Variants in TNFSF4 observed in about 807,000 individuals in gnomAD.
TNFSF4 encodes TNF superfamily member 4.
TNFSF4 carries 4 observed loss-of-function variants against 7.3 expected under a neutral mutation model. The ratio of observed to expected loss-of-function variants is 0.55; its 90% CI spans 0.27 to 1.25. The LOEUF (loss-of-function observed/expected upper bound fraction) is 1.25. Ranked by LOEUF, TNFSF4 falls within the 50% of genes most tolerant of loss-of-function variation. TNFSF4 has a pLI of 0.12. For synonymous variants in TNFSF4, 76 were observed against 83.7 expected (o/e 0.91, Z 0.50); for missense variants, 181 against 208.8 (o/e 0.87, Z 0.82).
the TNFSF4 span, among the ~76,000 whole-genome samples, chr1:173,220,541 T>C: frequency 1.3e-5 from 2 of 152,306 alleles, no homozygotes; most frequent in African/African-American, 4.8e-5. Flanking sequence ...TCTCCAAAAA[T>C]TCATATGTGG....
At chr1:173,319,122 T>A in the TNFSF4 span, among the ~76,000 whole-genome samples, 1 of 152,072 alleles carries the variant, frequency 6.6e-6, no homozygotes, top group Non-Finnish European at 1.5e-5. Flanking sequence ...AGCACAGAAA[T>A]CTGAAGTCAA....
the TNFSF4 span, among the ~76,000 whole-genome samples, chr1:173,233,859 G>C: frequency 6.6e-6 from 1 of 152,114 alleles, no homozygotes; most frequent in Non-Finnish European, 1.5e-5. Flanking sequence ...AGAAAACCTA[G>C]GCAATACCAT....
chr1:173,199,803 T>C lies in TNFSF4; in HGVS notation c.153+7221A>G, dbSNP rs535373797. On this transcript the variant is annotated intron_variant, in intron 1 of 2. Transcript: ENST00000281834. ...ATTCTTTGAATCAGTCTGATGGAACTAGAAAGGCCTTGGGAGATTATATAG... is the reference window on the plus strand; with the variant it reads ...ATTCTTTGAATCAGTCTGATGGAACCAGAAAGGCCTTGGGAGATTATATAG... 3.3e-5 allele frequency among the ~76,000 whole-genome samples: 5 copies of C among 152,240 alleles called. No individual in the cohort carries two copies. The South Asian group carries it at 8.3e-4, about 25-fold the overall frequency.
chr1:173,299,871 A>G, the TNFSF4 span, among the ~76,000 whole-genome samples: 1 of 151,912 alleles, frequency 6.6e-6, no homozygotes, highest in East Asian at 2.0e-4. Flanking sequence ...AACTATAAGC[A>G]GTTTTCTTGT....
At chr1:173,210,297 G>A (rs1650330042), upstream of TNFSF4, among the ~76,000 whole-genome samples, 2 of 152,190 alleles carry the variant, frequency 1.3e-5, no homozygotes, top group Non-Finnish European at 2.9e-5. Flanking sequence ...CTAGGTATCA[G>A]TGCAGAAGGG....
chr1:173,337,579 G>C, the TNFSF4 span, among the ~76,000 whole-genome samples: 1 of 152,160 alleles, frequency 6.6e-6, no homozygotes, highest in Non-Finnish European at 1.5e-5. Flanking sequence ...ATAATGTTCA[G>C]GCACCACCCA....
chr1:173,182,762 G>A (rs1649077907), downstream of TNFSF4, among the ~76,000 whole-genome samples: 1 of 152,184 alleles, frequency 6.6e-6, no homozygotes, highest in African/African-American at 2.4e-5. Context: ...ATTGATTGAA[G>A]GCACAAGAAT....
the TNFSF4 span, among the ~76,000 whole-genome samples, chr1:173,344,453 T>G: frequency 0.084 from 12,815 of 152,222 alleles, 676 homozygotes; most frequent in East Asian, 0.27. Context: ...CTTTGTATGG[T>G]TGGTAATAAA....
the TNFSF4 span, among the ~76,000 whole-genome samples, chr1:173,379,856 A>C: frequency 6.6e-6 from 1 of 152,164 alleles, no homozygotes; most frequent in African/African-American, 2.4e-5. Flanking sequence ...CCACCCCCTC[A>C]TCCATGTCCC....
chr1:173,383,621 C>A, the TNFSF4 span, among the ~76,000 whole-genome samples: 7 of 152,118 alleles, frequency 4.6e-5, no homozygotes, highest in South Asian at 1.5e-3. Flanking sequence ...AAGAATGGAA[C>A]AATGCTCTGA....
At chr1:173,392,930 C>T in the TNFSF4 span, among the ~76,000 whole-genome samples, 2 of 152,002 alleles carry the variant, frequency 1.3e-5, no homozygotes, top group Non-Finnish European at 2.9e-5. Context: ...AGCACAAGGC[C>T]GTAAATTTTG....
the TNFSF4 span, among the ~76,000 whole-genome samples, chr1:173,376,696 C>T: frequency 6.6e-6 from 1 of 152,202 alleles, no homozygotes; most frequent in Non-Finnish European, 1.5e-5. Flanking sequence ...ATCGGCAGGA[C>T]ATGGGTGGGG....
At chr1:173,263,272 G>GA in the TNFSF4 span, among the ~76,000 whole-genome samples, 3 of 152,098 alleles carry the variant, frequency 2.0e-5, no homozygotes, top group Non-Finnish European at 2.9e-5. Context: ...CACAGAATTA[G>GA]AAAAAATTAT....
At chr1:173,274,565 T>C in the TNFSF4 span, among the ~76,000 whole-genome samples, 5 of 152,100 alleles carry the variant, frequency 3.3e-5, no homozygotes, top group Admixed American at 3.3e-4. Flanking sequence ...AAACTGTGGA[T>C]GTGATAGATT....
the TNFSF4 span, among the ~76,000 whole-genome samples, chr1:173,380,594 G>A: frequency 1.3e-5 from 2 of 151,990 alleles, no homozygotes; most frequent in Non-Finnish European, 2.9e-5. Flanking sequence ...CTACCTGCAT[G>A]ACCATTCACC....
At chr1:173,432,163 T>TA in the TNFSF4 span, among the ~76,000 whole-genome samples, 1,259 of 152,228 alleles carry the variant, frequency 8.3e-3, 19 homozygotes, top group African/African-American at 0.029. Context: ...AAACAGGTGA[T>TA]AAAGGGCGAG....
chr1:173,261,641 G>T, the TNFSF4 span, among the ~76,000 whole-genome samples: 2 of 152,068 alleles, frequency 1.3e-5, no homozygotes, highest in Non-Finnish European at 2.9e-5. Flanking sequence ...AAATGATAAA[G>T]AGGATATCAC....
the TNFSF4 span, among the ~76,000 whole-genome samples, chr1:173,448,742 C>A: frequency 4.6e-4 from 70 of 152,240 alleles, no homozygotes; most frequent in African/African-American, 1.5e-3. Flanking sequence ...GGAATGTCAT[C>A]AGTTAAGGCG....
intron 1 of TNFSF4, among the ~76,000 whole-genome samples, chr1:173,197,512 CA>C: frequency 6.6e-6 from 1 of 152,108 alleles, no homozygotes; most frequent in Non-Finnish European, 1.5e-5. Flanking sequence ...GTGCAGCCAT[CA>C]AAAGGAACAA....
Sources: gnomAD v4.1 joint callset for allele counts (sites outside exome capture counted in the v4.1 genomes callset) on GRCh38, gnomAD v4.1.1 for gene constraint, MANE v1.5 for transcripts, NCBI Gene and HGNC (gene_info 2026-07-23, HGNC 2026-07-21) for gene names.